Variants in GRM8 observed in about 807,000 individuals in gnomAD.
GRM8 encodes the protein metabotropic glutamate receptor 8.
GRM8 carries 47 observed loss-of-function variants against 87.2 expected under a neutral mutation model. The observed-to-expected ratio is 0.54, with a 90% CI of 0.43 to 0.69. GRM8 has a LOEUF of 0.69. Among genes scored for constraint, GRM8 ranks in the 30% least tolerant of loss-of-function variants. GRM8 has a pLI of 0.00. For missense variants in GRM8, 1,019 were observed against 1,139.2 expected (o/e 0.89, Z 1.52); for synonymous variants, 396 against 404.5 (o/e 0.98, Z 0.25).
chr7:126,486,664 C>T (rs763508622), intron 9 of GRM8, among the ~76,000 whole-genome samples: 3 of 151,982 alleles, frequency 2.0e-5, no homozygotes, highest in Admixed American at 6.6e-5. Context: ...TTGTGGATTA[C>T]GTCTGTTGAT....
intron 7 of GRM8, among the ~76,000 whole-genome samples, chr7:126,687,128 G>C (rs921019344): frequency 6.6e-6 from 1 of 152,132 alleles, no homozygotes; most frequent in Admixed American, 6.5e-5. Flanking sequence ...GATGCAATAC[G>C]GTTGGCACAT....
intron 6 of GRM8, among the ~76,000 whole-genome samples, chr7:126,891,082 CT>C (rs1213149990): frequency 6.6e-6 from 1 of 152,028 alleles, no homozygotes; most frequent in Non-Finnish European, 1.5e-5. Context: ...CTCCTTCCCC[CT>C]CTTCCCCAAT....
At chr7:126,999,067 C>T (rs1330290129) in intron 3 of GRM8, among the ~76,000 whole-genome samples, 2 of 151,802 alleles carry the variant, frequency 1.3e-5, no homozygotes, top group African/African-American at 2.4e-5. Context: ...GATACCTAGA[C>T]CAATGGAACA....
chr7:127,123,049 G>T (rs1477405464), intron 2 of GRM8, among the ~76,000 whole-genome samples: 1 of 152,108 alleles, frequency 6.6e-6, no homozygotes, highest in Non-Finnish European at 1.5e-5. Context: ...AATAAGCAAA[G>T]AAGTCACTGT....
chr7:126,620,137 A>T (rs79150830), intron 7 of GRM8, among the ~76,000 whole-genome samples: 2,374 of 152,272 alleles, frequency 0.016, 47 homozygotes, highest in African/African-American at 0.042. Flanking sequence ...CCAAAAGATA[A>T]ATTAGCCAGG....
At chr7:127,163,945 T>C (rs1193911607) in intron 2 of GRM8, among the ~76,000 whole-genome samples, 3 of 152,122 alleles carry the variant, frequency 2.0e-5, no homozygotes, top group Admixed American at 6.6e-5. Flanking sequence ...ATGAATGATA[T>C]AGTTTGGATA....
At chr7:126,609,553 G>C (rs948723563) in intron 7 of GRM8, 55 bp from the exon 8 acceptor site, 67 of 1,385,258 alleles carry the variant, frequency 4.8e-5, no homozygotes, top group Non-Finnish European at 3.7e-5. Context: ...AGCCCACTGG[G>C]TTTATTTTTC....
intron 3 of GRM8, among the ~76,000 whole-genome samples, chr7:126,975,779 C>T (rs1401882517): frequency 6.6e-6 from 1 of 152,196 alleles, no homozygotes; most frequent in Non-Finnish European, 1.5e-5. Flanking sequence ...AAATAAAATA[C>T]TTATTTCAGC....
intron 8 of GRM8, among the ~76,000 whole-genome samples, chr7:126,567,169 C>T (rs1427025968): frequency 6.6e-6 from 1 of 152,042 alleles, no homozygotes; most frequent in East Asian, 1.9e-4. Flanking sequence ...ACCTACTGGA[C>T]AACATTGTAG....
chr7:126,911,574 A>C (rs2131294582), intron 3 of GRM8, among the ~76,000 whole-genome samples: 1 of 152,350 alleles, frequency 6.6e-6, no homozygotes, highest in South Asian at 2.1e-4. Context: ...TAATGTGTTG[A>C]GATAATAATG....
intron 3 of GRM8, among the ~76,000 whole-genome samples, chr7:126,906,984 A>T (rs755256844): frequency 1.4e-4 from 21 of 152,322 alleles, no homozygotes; most frequent in South Asian, 4.1e-4. Context: ...GGTGAATAAA[A>T]GAAATTCTCT....
chr7:126,550,319 G>A (rs1223302589), intron 8 of GRM8, among the ~76,000 whole-genome samples: 4 of 151,768 alleles, frequency 2.6e-5, no homozygotes, highest in Non-Finnish European at 4.4e-5. Flanking sequence ...TCACCATGTT[G>A]GCCAGGATGG....
chr7:126,919,358 G>C (rs1330078774), intron 3 of GRM8, among the ~76,000 whole-genome samples: 1 of 152,188 alleles, frequency 6.6e-6, no homozygotes, highest in African/African-American at 2.4e-5. Context: ...TGTGAATTAT[G>C]TAAGTTCTAA....
Position 126,767,733 on chromosome 7 carries a change from G to A in GRM8, c.1357+2132C>T, listed in dbSNP as rs183541991. 1.6e-3 allele frequency among the ~76,000 whole-genome samples: 238 copies of A among 152,032 alleles called. 1 individual carries two copies. The highest frequency in any genetic ancestry group is 6.8e-3 in the Middle Eastern group (2 of 294). On this transcript the variant is annotated intron_variant, in intron 7 of 10. Coordinates refer to ENST00000339582, the MANE Select transcript of GRM8 (RefSeq NM_000845.3). ...GTCAATAATAAAATTAAAATGTGAT[G>A]AATATCCTGGAAATCACTGAAAATC...
At chr7:126,552,156 G>A (rs1437446352) in intron 8 of GRM8, among the ~76,000 whole-genome samples, 18 of 151,938 alleles carry the variant, frequency 1.2e-4, no homozygotes, top group Admixed American at 6.6e-5. Context: ...ATTTGTCCCC[G>A]ATCACTTGAA....
chr7:126,513,507 A>C (rs1386979306), intron 9 of GRM8, among the ~76,000 whole-genome samples: 5 of 152,182 alleles, frequency 3.3e-5, no homozygotes, highest in African/African-American at 1.2e-4. Flanking sequence ...GCAAATCTGC[A>C]CTATGCAACT....
intron 2 of GRM8, among the ~76,000 whole-genome samples, chr7:127,107,756 A>T (rs1448841551): frequency 6.6e-6 from 1 of 152,174 alleles, no homozygotes; most frequent in African/African-American, 2.4e-5. Flanking sequence ...CAATCTATAT[A>T]AACATTTCAA....
At chr7:126,841,536 T>C (rs964655904) in intron 6 of GRM8, among the ~76,000 whole-genome samples, 1 of 152,076 alleles carries the variant, frequency 6.6e-6, no homozygotes, top group East Asian at 1.9e-4. Flanking sequence ...AAATGTAACA[T>C]AGATCCCAAG....
At chr7:126,697,150 A>C (rs1809469090) in intron 7 of GRM8, among the ~76,000 whole-genome samples, 2 of 133,364 alleles carry the variant, frequency 1.5e-5, no homozygotes, top group South Asian at 5.1e-4. Context: ...GTATGTTCTC[A>C]CTTATGTGTG....
Sources: allele counts gnomAD v4.1 joint callset (sites outside exome capture counted in the v4.1 genomes callset), GRCh38; gene constraint gnomAD v4.1.1; transcripts MANE v1.5; gene names NCBI Gene and HGNC (gene_info 2026-07-23, HGNC 2026-07-21).